EFR3A: variants seen among roughly 807,000 people sequenced by gnomAD.
The protein encoded by EFR3A is protein EFR3 homolog A.
A neutral mutation model predicts 104.4 loss-of-function variants in EFR3A; 76 were observed. The ratio of observed to expected loss-of-function variants is 0.73; its 90% CI spans 0.60 to 0.88. The LOEUF (loss-of-function observed/expected upper bound fraction) is 0.88, where lower values mean the gene tolerates loss of function less well. Among genes scored for constraint, EFR3A ranks in the 40% least tolerant of loss-of-function variants. The pLI, the probability that EFR3A is intolerant of heterozygous loss-of-function variation, is 0.00. For synonymous variants in EFR3A, 330 were observed against 330.0 expected (o/e 1.00, Z 0.00); for missense variants, 985 against 1,012.5 (o/e 0.97, Z 0.37).
intron 4 of EFR3A, among the ~76,000 whole-genome samples, chr8:131,949,702 G>A (rs1445187873): frequency 2.0e-5 from 3 of 151,794 alleles, no homozygotes; most frequent in Admixed American, 1.3e-4. Context: ...TAGTCCTGAC[G>A]CCTTGGGAAG....
At chr8:132,001,370 G>A (rs1052233460) in intron 19 of EFR3A, among the ~76,000 whole-genome samples, 5 of 152,290 alleles carry the variant, frequency 3.3e-5, no homozygotes, top group African/African-American at 1.2e-4. Flanking sequence ...ATGTATTTAT[G>A]TATAATCTCA....
intron 12 of EFR3A, 85 bp from the exon 13 acceptor site, chr8:131,978,762 T>A (rs1820442946): frequency 9.3e-7 from 1 of 1,075,432 alleles, no homozygotes; most frequent in African/African-American, 1.6e-5. Flanking sequence ...CTTTCCTAAG[T>A]TTATGGTTCT....
intron 1 of EFR3A, among the ~76,000 whole-genome samples, chr8:131,905,089 C>T (rs1816180898): frequency 6.6e-6 from 1 of 152,170 alleles, no homozygotes; most frequent in Non-Finnish European, 1.5e-5. Context: ...TAAAATGACC[C>T]AGATAATCGC....
intron 2 of EFR3A, among the ~76,000 whole-genome samples, chr8:131,942,778 G>A (rs1053229996): frequency 1.3e-5 from 2 of 152,064 alleles, no homozygotes; most frequent in African/African-American, 2.4e-5. Context: ...ATTGGAGGAA[G>A]CTAAGACCTA....
At chr8:131,937,042 A>G (rs1181992452) in intron 1 of EFR3A, among the ~76,000 whole-genome samples, 1 of 152,116 alleles carries the variant, frequency 6.6e-6, no homozygotes, top group African/African-American at 2.4e-5. Context: ...TACTGTGACT[A>G]ACCCACACCA....
rs141549637 is a variant in EFR3A at position 131,920,889 on chromosome 8, AG to A, written c.10+16568del. 5.1e-3 allele frequency among the ~76,000 whole-genome samples: 780 copies of A among 152,320 alleles called. 14 individuals are homozygous for A. The highest frequency in any genetic ancestry group is 0.013 in the East Asian group (66 of 5,172). On this transcript the variant is annotated intron_variant, in intron 1 of 22. Transcript: ENST00000254624. ...ATAGGGTCATTCTGAGGATTAAATA[AG>A]ACCAAACCTAGAATTTAGTGGACAC...
At chr8:131,943,811 A>G (rs1028187567) in intron 2 of EFR3A, among the ~76,000 whole-genome samples, 5 of 152,044 alleles carry the variant, frequency 3.3e-5, no homozygotes, top group African/African-American at 1.2e-4. Context: ...CTGAGAAAGC[A>G]GGGATGTTTT....
At chr8:131,928,624 T>C (rs915048521) in intron 1 of EFR3A, among the ~76,000 whole-genome samples, 1 of 152,116 alleles carries the variant, frequency 6.6e-6, no homozygotes, top group Non-Finnish European at 1.5e-5. Context: ...AGATGTGGTC[T>C]ATAGAACAAT....
At chr8:131,969,524 G>GTT (rs112899303) in intron 9 of EFR3A, among the ~76,000 whole-genome samples, 1 of 135,464 alleles carries the variant, frequency 7.4e-6, no homozygotes. Context: ...ATTTGTGTGT[G>GTT]TTTTTTTTTT....
intron 2 of EFR3A, among the ~76,000 whole-genome samples, chr8:131,942,972 G>A (rs899230305): frequency 1.6e-4 from 24 of 152,072 alleles, no homozygotes; most frequent in Admixed American, 1.3e-4. Context: ...GGGAGAGATG[G>A]CCTGCAAAGG....
At chr8:131,995,099 G>A (rs1821406925) in intron 18 of EFR3A, among the ~76,000 whole-genome samples, 1 of 152,070 alleles carries the variant, frequency 6.6e-6, no homozygotes, top group African/African-American at 2.4e-5. Flanking sequence ...AGTAGAAGAG[G>A]AAAAACTATT....
intron 1 of EFR3A, among the ~76,000 whole-genome samples, chr8:131,932,928 G>A (rs1255926637): frequency 1.3e-5 from 2 of 151,550 alleles, no homozygotes; most frequent in East Asian, 1.9e-4. Flanking sequence ...TCTTAATCAC[G>A]ATCCCTAACA....
At chr8:131,958,861 A>G (rs1309632175) in intron 7 of EFR3A, among the ~76,000 whole-genome samples, 1 of 152,184 alleles carries the variant, frequency 6.6e-6, no homozygotes, top group Non-Finnish European at 1.5e-5. Context: ...CCCTGTGACT[A>G]TGCTAATAAC....
chr8:131,908,300 T>TCTGC, intron 1 of EFR3A, among the ~76,000 whole-genome samples: 1 of 152,246 alleles, frequency 6.6e-6, no homozygotes, highest in Admixed American at 6.5e-5. Flanking sequence ...GACCTCGTGA[T>TCTGC]CCACCCGTCT....
Position 132,012,267 on chromosome 8 carries a change from G to A in EFR3A, c.*1372G>A, listed in dbSNP as rs527464284. The A allele has an allele frequency of 6.6e-6, 1 of 152,244 alleles. No individual in the cohort carries two copies. The highest frequency in any genetic ancestry group is 1.9e-4 in the East Asian group (1 of 5,174). The allele number at this position is 152,244 out of a possible 1,614,324, so 9.4% of individuals were successfully genotyped here. A position where few individuals can be genotyped will look rare whatever the true frequency, so the allele number is the denominator to read the frequency against. ...AATTGCAGTGAAGAATGGGATGTTT[G>A]TGTTTATGGCTATTTGGGCACCTTT... On this transcript the variant is annotated 3_prime_UTR_variant, in exon 23 of 23. Coordinates refer to ENST00000254624, the MANE Select transcript of EFR3A (RefSeq NM_015137.6).
rs529594836 is a variant in EFR3A, at chr8:132,000,380, C to T, written c.2158-1379C>T. 3.3e-5 allele frequency among the ~76,000 whole-genome samples: 5 copies of T among 152,110 alleles called. No homozygotes were observed. The East Asian group carries it at 5.8e-4, about 18-fold the overall frequency. ...CCTGACCTCATGATCCACCCGCCTC[C>T]GCCTCCCAAAGTGCTGGGATTACAG... On this transcript the variant is annotated intron_variant, in intron 19 of 22. Coordinates refer to ENST00000254624, the MANE Select transcript of EFR3A (RefSeq NM_015137.6).
At chr8:131,940,716 T>G in intron 2 of EFR3A, 141 bp downstream of exon 2, 1 of 1,300,926 alleles carries the variant, frequency 7.7e-7, no homozygotes, top group Non-Finnish European at 1.0e-6. Flanking sequence ...TATACTTTTC[T>G]TTTTTTTACT....
chr8:131,947,933 C>T (rs1468638560), intron 4 of EFR3A, among the ~76,000 whole-genome samples: 2 of 152,032 alleles, frequency 1.3e-5, no homozygotes, highest in Admixed American at 1.3e-4. Flanking sequence ...TTTCTTCTAT[C>T]TTGAACCATT....
At chr8:131,976,215 A>G (rs987446423) in intron 11 of EFR3A, 74 bp downstream of exon 11, 2 of 1,013,048 alleles carry the variant, frequency 2.0e-6, no homozygotes, top group Non-Finnish European at 2.9e-6. Flanking sequence ...GAAAATGTTA[A>G]CGTTTTGTTT....
Sources: allele counts gnomAD v4.1 joint callset (sites outside exome capture counted in the v4.1 genomes callset), GRCh38; gene constraint gnomAD v4.1.1; transcripts MANE v1.5; gene names NCBI Gene and HGNC (gene_info 2026-07-23, HGNC 2026-07-21).